PRKD1: variants seen among roughly 807,000 people sequenced by gnomAD.
The protein encoded by PRKD1 is serine/threonine-protein kinase D1.
Under a neutral mutation model 95.9 loss-of-function variants are expected in PRKD1, and 63 were observed. The ratio of observed to expected loss-of-function variants is 0.66; its 90% CI spans 0.54 to 0.81. The LOEUF (loss-of-function observed/expected upper bound fraction) is 0.81. Among genes scored for constraint, PRKD1 ranks in the 30% least tolerant of loss-of-function variants. The probability of loss-of-function intolerance (pLI) is 0.00; values close to 1 mark genes in which losing one functional copy is unlikely to be tolerated. For missense variants in PRKD1, 1,048 were observed against 1,165.3 expected (o/e 0.90, Z 1.47); for synonymous variants, 425 against 423.1 (o/e 1.00, Z -0.05).
At chr14:29,926,461 G>T (rs914944445) in intron 1 of PRKD1, among the ~76,000 whole-genome samples, 1 of 152,128 alleles carries the variant, frequency 6.6e-6, no homozygotes, top group Non-Finnish European at 1.5e-5. Flanking sequence ...TGGTGGGTGG[G>T]CTGAGTCTCC....
chr14:29,898,655 A>C (rs1329984012), intron 1 of PRKD1, among the ~76,000 whole-genome samples: 2 of 152,198 alleles, frequency 1.3e-5, no homozygotes, highest in African/African-American at 2.4e-5. Flanking sequence ...AATTCTGACC[A>C]AAACAGAAGC....
intron 4 of PRKD1, among the ~76,000 whole-genome samples, chr14:29,648,889 C>T (rs1007894000): frequency 2.6e-5 from 4 of 152,148 alleles, no homozygotes; most frequent in South Asian, 2.1e-4. Context: ...TTCCTGACCT[C>T]GTGATCCGCC....
At chr14:29,753,856 C>T (rs1887584351) in intron 1 of PRKD1, among the ~76,000 whole-genome samples, 1 of 152,108 alleles carries the variant, frequency 6.6e-6, no homozygotes, top group Non-Finnish European at 1.5e-5. Context: ...ACACCTAGAT[C>T]TCTACTAACT....
rs537309981 is a variant in PRKD1, at chr14:29,829,445, G to C, written c.264+97804C>G. Among the ~76,000 whole-genome samples, 3 of 152,240 alleles carry C rather than the reference G, an allele frequency of 2.0e-5. No individual in the cohort carries two copies. The East Asian group carries it at 5.8e-4, about 29-fold the overall frequency. On this transcript the variant is annotated intron_variant, in intron 1 of 17. Transcript: ENST00000331968. ...TATAAAATTAACTGTCTCTTATTTA[G>C]GGAAGAGTGTCACAGCGTGCTTTTC... is the stretch of plus-strand genomic sequence containing the variant.
intron 4 of PRKD1, among the ~76,000 whole-genome samples, chr14:29,648,145 T>C (rs1881250729): frequency 6.6e-6 from 1 of 152,230 alleles, no homozygotes; most frequent in African/African-American, 2.4e-5. Context: ...CATTCTTTTT[T>C]AACTTTTACT....
intron 2 of PRKD1, among the ~76,000 whole-genome samples, chr14:29,711,366 AGTT>A (rs1418732315): frequency 6.6e-6 from 1 of 152,256 alleles, no homozygotes; most frequent in African/African-American, 2.4e-5. Flanking sequence ...ATTATTTGGT[AGTT>A]AAGACAGCAA....
chr14:29,684,190 G>A (rs1242708531), intron 2 of PRKD1, among the ~76,000 whole-genome samples: 1 of 141,530 alleles, frequency 7.1e-6, no homozygotes, highest in Non-Finnish European at 1.5e-5. Context: ...TCACTCTATC[G>A]CCCAGGCTGG....
chr14:29,783,155 A>T (rs1889123711), intron 1 of PRKD1, among the ~76,000 whole-genome samples: 1 of 152,022 alleles, frequency 6.6e-6, no homozygotes, highest in Admixed American at 6.6e-5. Flanking sequence ...TTTATTCCCA[A>T]TCCCACCCTT....
intron 1 of PRKD1, among the ~76,000 whole-genome samples, chr14:29,916,499 C>G (rs968847648): frequency 1.3e-5 from 2 of 152,230 alleles, no homozygotes; most frequent in Non-Finnish European, 2.9e-5. Context: ...TTAACTGACA[C>G]CATTCCCCAA....
intron 1 of PRKD1, among the ~76,000 whole-genome samples, chr14:29,905,681 G>A (rs1894471281): frequency 6.6e-6 from 1 of 152,182 alleles, no homozygotes; most frequent in Admixed American, 6.5e-5. Context: ...ATGAATGATT[G>A]ACGTGCACCA....
intron 1 of PRKD1, among the ~76,000 whole-genome samples, chr14:29,814,192 AAC>A (rs1890600840): frequency 1.3e-5 from 2 of 152,318 alleles, no homozygotes; most frequent in Non-Finnish European, 2.9e-5. Flanking sequence ...CCACAAATAA[AAC>A]AGTTATTTTG....
chr14:29,718,403 T>TC (rs35263159), intron 2 of PRKD1, among the ~76,000 whole-genome samples: 84,100 of 151,924 alleles, frequency 0.55, 25,576 homozygotes, highest in African/African-American at 0.82. Flanking sequence ...TCCTGAGCCC[T>TC]CCCAACCATG....
chr14:29,686,267 C>T (rs1045328443), intron 2 of PRKD1, among the ~76,000 whole-genome samples: 4 of 152,124 alleles, frequency 2.6e-5, no homozygotes, highest in African/African-American at 9.7e-5. Context: ...CCGATTCTGA[C>T]TGGATGGACT....
chr14:29,800,834 A>G (rs1276451035), intron 1 of PRKD1, among the ~76,000 whole-genome samples: 3 of 152,016 alleles, frequency 2.0e-5, no homozygotes, highest in Non-Finnish European at 4.4e-5. Context: ...CCAGTCCTTC[A>G]TCCCTTTCCT....
intron 1 of PRKD1, among the ~76,000 whole-genome samples, chr14:29,826,682 TATACACAC>T (rs1891147471): frequency 2.1e-5 from 1 of 48,642 alleles, no homozygotes; most frequent in African/African-American, 6.3e-5. Context: ...TGTATATATA[TATACACAC>T]ATATATATAC....
At chr14:29,789,067 T>C (rs944375084) in intron 1 of PRKD1, among the ~76,000 whole-genome samples, 1 of 152,042 alleles carries the variant, frequency 6.6e-6, no homozygotes, top group Non-Finnish European at 1.5e-5. Context: ...TTAAATTTTT[T>C]GTAGAGACAG....
chr14:29,620,649 T>C (rs1358103518), intron 13 of PRKD1, among the ~76,000 whole-genome samples: 1 of 151,590 alleles, frequency 6.6e-6, no homozygotes, highest in Admixed American at 6.6e-5. Context: ...CCAGTTAGAA[T>C]GGCAATCATT....
chr14:29,838,899 G>A (rs761552890), intron 1 of PRKD1, among the ~76,000 whole-genome samples: 16 of 152,174 alleles, frequency 1.1e-4, no homozygotes, highest in Admixed American at 6.5e-5. Context: ...CTGTAAAACT[G>A]AAGCAAAAAC....
chr14:29,833,686 G>A (rs1350140489), intron 1 of PRKD1, among the ~76,000 whole-genome samples: 1 of 151,964 alleles, frequency 6.6e-6, no homozygotes, highest in African/African-American at 2.4e-5. Context: ...TTATAATATA[G>A]TATTCTACTT....
Sources: gnomAD v4.1 joint callset for allele counts (sites outside exome capture counted in the v4.1 genomes callset) on GRCh38, gnomAD v4.1.1 for gene constraint, MANE v1.5 for transcripts, NCBI Gene and HGNC (gene_info 2026-07-23, HGNC 2026-07-21) for gene names.